Variants in NOTCH2 observed in about 807,000 individuals in gnomAD.
NOTCH2 encodes neurogenic locus notch homolog protein 2.
Under a neutral mutation model 235.8 loss-of-function variants are expected in NOTCH2, and 29 were observed. The observed-to-expected ratio is 0.12, with a 90% CI of 0.09 to 0.17. NOTCH2 has a LOEUF of 0.17. Ranked by LOEUF, NOTCH2 falls within the 10% of genes least tolerant of loss-of-function variation. The pLI is 1.00. For missense variants in NOTCH2, 2,285 were observed against 3,150.2 expected (o/e 0.73, Z 6.57); for synonymous variants, 1,086 against 1,141.5 (o/e 0.95, Z 0.98).
intron 24 of NOTCH2, 30 bp downstream of exon 24, chr1:119,926,469 C>G: frequency 6.8e-7 from 1 of 1,467,372 alleles, no homozygotes; most frequent in Non-Finnish European, 9.5e-7. Context: ...GAGACAATGC[C>G]CCTTCTTAGA....
intron 1 of NOTCH2, 142 bp downstream of exon 1, chr1:120,069,192 C>T (rs1363093714): frequency 4.6e-6 from 7 of 1,528,424 alleles, no homozygotes; most frequent in Non-Finnish European, 6.1e-6. Flanking sequence ...TGTCCAAACT[C>T]TTGGGAACCC....
rs1291263292 is a variant in NOTCH2 at position 119,912,667 on chromosome 1, T to A, written c.*2639A>T. On this transcript the variant is annotated 3_prime_UTR_variant, in exon 34 of 34. Transcript: ENST00000256646. ...TATAACAATAAAAATAAACCAAAAATAGCAGGGGAGGATCTATACATGGCA... is the reference window on the plus strand; with the variant it reads ...TATAACAATAAAAATAAACCAAAAAAAGCAGGGGAGGATCTATACATGGCA... The A allele has an allele frequency of 8.6e-6, 2 of 233,002 alleles. No homozygotes were observed. The highest frequency in any genetic ancestry group is 4.4e-5 in the African/African-American group (2 of 45,300). 14.4% of individuals were successfully genotyped at this position (233,002 alleles called of 1,614,324 possible).
chr1:119,938,607 A>G (rs1456554982), intron 19 of NOTCH2, among the ~76,000 whole-genome samples: 5 of 152,084 alleles, frequency 3.3e-5, no homozygotes, highest in African/African-American at 1.2e-4. Context: ...GTTTTGTACC[A>G]CATTGTTTAT....
At chr1:119,949,375 T>C (rs1460542098) in intron 15 of NOTCH2, among the ~76,000 whole-genome samples, 1 of 150,622 alleles carries the variant, frequency 6.6e-6, no homozygotes, top group South Asian at 2.1e-4. Context: ...TTCCCTACAC[T>C]ACTATTTCTT....
At chr1:120,069,276 G>A (rs1553217857) in intron 1 of NOTCH2, 58 bp downstream of exon 1, 2 of 1,527,176 alleles carry the variant, frequency 1.3e-6, no homozygotes, top group Non-Finnish European at 1.7e-6. Context: ...GGGGAGAAGG[G>A]TCGCCCCAGG....
At chr1:119,963,162 G>A (rs1553199216) in intron 11 of NOTCH2, among the ~76,000 whole-genome samples, 3 of 134,604 alleles carry the variant, frequency 2.2e-5, no homozygotes, top group African/African-American at 9.1e-5. Context: ...AAGGGAAGAA[G>A]GGAAGAAGGA....
chr1:119,916,341 C>G lies in NOTCH2; in HGVS notation c.6381G>C (p.Lys2127Asn), dbSNP rs765110472. The G allele has an allele frequency of 1.2e-6, 2 of 1,614,212 alleles. No homozygotes were observed. The highest frequency in any genetic ancestry group is 1.7e-6 in the Non-Finnish European group (2 of 1,180,036). The change falls in exon 34 of 34, where the codon AAG (lysine) becomes AAC (asparagine). Residue 2127 changes from lysine to asparagine, a missense_variant. Lys to Asn is a moderately conservative substitution (Grantham distance 94). Around this residue, in one of 6 missense-constraint regions of NOTCH2, gnomAD observed 504 missense variants for 538.0 expected, o/e 0.94. Transcript: ENST00000256646. ...TCAGAGACTTCTTCCTCCTACTACC[C>G]TTGGCATCCTTTGCCTCCTTGGCAA... The part of the protein sequence containing the change: ...PNLAKEAKDA[K>N]GSRRKKSLSE...
chr1:120,040,866 TC>T (rs1553212628), intron 1 of NOTCH2, among the ~76,000 whole-genome samples: 1 of 149,016 alleles, frequency 6.7e-6, no homozygotes, highest in Non-Finnish European at 1.5e-5. Context: ...TGAAACCACA[TC>T]TCTACTAAAA....
chr1:120,062,463 A>G (rs1413666106), intron 1 of NOTCH2, among the ~76,000 whole-genome samples: 1 of 4,988 alleles, frequency 2.0e-4, no homozygotes, highest in South Asian at 3.8e-3. Flanking sequence ...TGGTATTAAG[A>G]CCTGAAGTTT....
At chr1:119,970,393 A>G (rs1001818022) in intron 5 of NOTCH2, among the ~76,000 whole-genome samples, 4 of 152,192 alleles carry the variant, frequency 2.6e-5, no homozygotes, top group Non-Finnish European at 5.9e-5. Context: ...CTGGTGAAGT[A>G]TGGATGTGAA....
intron 12 of NOTCH2, among the ~76,000 whole-genome samples, chr1:119,959,047 T>C (rs1650834372): frequency 6.6e-6 from 1 of 152,168 alleles, no homozygotes; most frequent in Admixed American, 6.5e-5. Context: ...GATTTTACCT[T>C]GAATATGTCT....
intron 2 of NOTCH2, among the ~76,000 whole-genome samples, chr1:120,005,962 A>AT (rs1362052057): frequency 7.4e-6 from 1 of 134,614 alleles, no homozygotes; most frequent in Admixed American, 7.8e-5. Flanking sequence ...GCTTAAATTC[A>AT]TTAACTTTCT....
intron 5 of NOTCH2, among the ~76,000 whole-genome samples, chr1:119,977,450 C>T (rs1472320163): frequency 6.6e-6 from 1 of 152,174 alleles, no homozygotes; most frequent in African/African-American, 2.4e-5. Flanking sequence ...GTACAACTTC[C>T]TTCTTTGACT....
chr1:119,915,795 G>A lies in NOTCH2; in HGVS notation c.6927C>T (p.Leu2309=). The A allele has an allele frequency of 6.2e-7, 1 of 1,612,514 alleles. No individual in the cohort carries two copies. The highest frequency in any genetic ancestry group is 1.1e-5 in the South Asian group (1 of 91,016). Reference sequence around the variant, plus strand: ...GTTGGGCAATACTGCCTTTAGGGATGAGCTGGAAAGTCACAATGGGGGGCA... The same window carrying A: ...GTTGGGCAATACTGCCTTTAGGGATAAGCTGGAAAGTCACAATGGGGGGCA... ...EPLPPIVTFQ[L]IPKGSIAQPA... is the part of the protein sequence containing the mutation. The change falls in exon 34 of 34, where the codon CTC becomes CTT. Residue 2309 remains leucine, a synonymous_variant. Coordinates refer to ENST00000256646, the MANE Select transcript of NOTCH2 (RefSeq NM_024408.4).
At position 120,011,503 on chromosome 1, in the gene NOTCH2, A is replaced by G. The variant is rs1653190888; in HGVS notation, c.156-5915T>C. Reference sequence around the variant, plus strand: ...TCTTCACCTTTTTAGTGGTGCTTCTATGCTTAATAGTAGTCATAATAATCA... The same window carrying G: ...TCTTCACCTTTTTAGTGGTGCTTCTGTGCTTAATAGTAGTCATAATAATCA... On this transcript the variant is annotated intron_variant, in intron 2 of 33. Coordinates refer to ENST00000256646, the MANE Select transcript of NOTCH2 (RefSeq NM_024408.4). Among the ~76,000 whole-genome samples the G allele has an allele frequency of 7.9e-5, 12 of 152,264 alleles. No individual in the cohort carries two copies. The South Asian group carries it at 2.5e-3, about 32-fold the overall frequency.
intron 6 of NOTCH2, among the ~76,000 whole-genome samples, 177 bp downstream of exon 6, chr1:119,969,334 A>G (rs1446034625): frequency 6.6e-6 from 1 of 152,254 alleles, no homozygotes; most frequent in African/African-American, 2.4e-5. Context: ...AGTCCTAAAG[A>G]GGAAGATTAT....
chr1:119,963,380 C>T (rs1651017877), intron 11 of NOTCH2, among the ~76,000 whole-genome samples, 194 bp downstream of exon 11: 1 of 152,226 alleles, frequency 6.6e-6, no homozygotes, highest in African/African-American at 2.4e-5. Flanking sequence ...ATTGGCAGAG[C>T]TATTGTCTCT....
intron 13 of NOTCH2, among the ~76,000 whole-genome samples, chr1:119,954,260 A>G (rs1650598110): frequency 6.6e-6 from 1 of 152,218 alleles, no homozygotes; most frequent in African/African-American, 2.4e-5. Context: ...ACTAACACTT[A>G]GAATGTGATA....
At chr1:120,001,710 C>G (rs190082035) in intron 3 of NOTCH2, among the ~76,000 whole-genome samples, 7,377 of 152,154 alleles carry the variant, frequency 0.048, 206 homozygotes, top group South Asian at 0.11. Context: ...GTTTGCCTAT[C>G]CTGCATGCAA....
Sources: allele counts gnomAD v4.1 joint callset (sites outside exome capture counted in the v4.1 genomes callset), GRCh38; gene constraint gnomAD v4.1.1; regional missense constraint gnomAD v4.1.1; transcripts MANE v1.5; gene names NCBI Gene and HGNC (gene_info 2026-07-23, HGNC 2026-07-21).